DPYD: variants seen among roughly 807,000 people sequenced by gnomAD.
DPYD encodes dihydropyrimidine dehydrogenase [NADP(+)].
A neutral mutation model predicts 116.2 loss-of-function variants in DPYD; 109 were observed. The observed-to-expected ratio is 0.94, with a 90% CI of 0.80 to 1.10. The LOEUF (loss-of-function observed/expected upper bound fraction) is 1.10. Ranked by LOEUF, DPYD falls within the 50% of genes least tolerant of loss-of-function variation. The probability of loss-of-function intolerance (pLI) is 0.00; values close to 1 mark genes in which losing one functional copy is unlikely to be tolerated. For synonymous variants in DPYD, 440 were observed against 432.0 expected (o/e 1.02, Z -0.23); for missense variants, 1,302 against 1,254.5 (o/e 1.04, Z -0.57).
intron 2 of DPYD, among the ~76,000 whole-genome samples, chr1:97,839,383 G>T (rs1397497560): frequency 6.6e-6 from 1 of 152,000 alleles, no homozygotes; most frequent in Non-Finnish European, 1.5e-5. Flanking sequence ...CCTTTCTATA[G>T]TTTTCCATGC....
chr1:97,299,338 A>C (rs919738062), intron 18 of DPYD, among the ~76,000 whole-genome samples: 2 of 152,136 alleles, frequency 1.3e-5, no homozygotes, highest in African/African-American at 2.4e-5. Context: ...TGCAAAGGTA[A>C]GTTTTCTTAA....
At chr1:97,441,835 AT>A (rs1675813496) in intron 14 of DPYD, among the ~76,000 whole-genome samples, 1 of 152,160 alleles carries the variant, frequency 6.6e-6, no homozygotes, top group African/African-American at 2.4e-5. Context: ...GTTAAGTTAT[AT>A]GGAAACACGT....
intron 16 of DPYD, among the ~76,000 whole-genome samples, chr1:97,334,930 A>G (rs1442799672): frequency 2.0e-5 from 3 of 152,082 alleles, no homozygotes; most frequent in Non-Finnish European, 2.9e-5. Flanking sequence ...CCCGGTGCAT[A>G]TTGGGAAAAG....
intron 18 of DPYD, among the ~76,000 whole-genome samples, chr1:97,294,135 A>G (rs1666379941): frequency 6.6e-6 from 1 of 152,202 alleles, no homozygotes; most frequent in Non-Finnish European, 1.5e-5. Flanking sequence ...TCAGTCATCA[A>G]CCGAATGTGC....
At chr1:97,607,085 C>G (rs547173226) in intron 8 of DPYD, among the ~76,000 whole-genome samples, 2 of 151,806 alleles carry the variant, frequency 1.3e-5, no homozygotes, top group Non-Finnish European at 2.9e-5. Context: ...CTCCAGATTC[C>G]CTAGAGGTAT....
intron 12 of DPYD, among the ~76,000 whole-genome samples, chr1:97,536,149 A>G (rs1008412683): frequency 9.2e-5 from 14 of 152,202 alleles, no homozygotes; most frequent in African/African-American, 3.1e-4. Context: ...CCAGTTTCCC[A>G]ATGAGACTGA....
chr1:97,518,948 C>G (rs1281966936), intron 12 of DPYD, among the ~76,000 whole-genome samples: 2 of 152,006 alleles, frequency 1.3e-5, no homozygotes, highest in African/African-American at 4.8e-5. Context: ...TTTTGCTGTA[C>G]GTTTCTGTTT....
chr1:97,177,770 C>A (rs923382154), intron 20 of DPYD, among the ~76,000 whole-genome samples: 1 of 152,054 alleles, frequency 6.6e-6, no homozygotes, highest in African/African-American at 2.4e-5. Context: ...TAAAGTCAGG[C>A]TGTCTTAGTC....
At chr1:97,675,462 A>G (rs1415545633) in intron 8 of DPYD, among the ~76,000 whole-genome samples, 3 of 152,208 alleles carry the variant, frequency 2.0e-5, no homozygotes, top group Admixed American at 1.3e-4. Flanking sequence ...CTTTAGAAGT[A>G]ACAATGATGT....
At chr1:97,277,271 C>T (rs1046492930) in intron 18 of DPYD, among the ~76,000 whole-genome samples, 14 of 151,934 alleles carry the variant, frequency 9.2e-5, no homozygotes, top group Admixed American at 5.9e-4. Context: ...AGCTCACTAC[C>T]TGGGTGACAG....
intron 4 of DPYD, among the ~76,000 whole-genome samples, chr1:97,735,216 A>C (rs1663855197): frequency 6.6e-6 from 1 of 152,146 alleles, no homozygotes; most frequent in African/African-American, 2.4e-5. Flanking sequence ...ATAAGGCATC[A>C]ACACAAATGA....
chr1:97,410,232 T>A (rs919877719), intron 14 of DPYD, among the ~76,000 whole-genome samples: 11 of 152,178 alleles, frequency 7.2e-5, no homozygotes, highest in Admixed American at 7.2e-4. Flanking sequence ...AAAGTGAGAA[T>A]CTTTGTTTTG....
intron 16 of DPYD, among the ~76,000 whole-genome samples, chr1:97,325,111 T>C (rs565170236): frequency 1.3e-5 from 2 of 152,174 alleles, no homozygotes; most frequent in East Asian, 3.9e-4. Flanking sequence ...CTAAAACAGA[T>C]GGGTATTTAC....
chr1:97,492,695 G>A (rs751204185), intron 13 of DPYD, among the ~76,000 whole-genome samples: 1 of 152,044 alleles, frequency 6.6e-6, no homozygotes, highest in Non-Finnish European at 1.5e-5. Flanking sequence ...AAGCAGCAAT[G>A]ATCTGCTACT....
At chr1:97,289,785 T>G (rs1314475772) in intron 18 of DPYD, among the ~76,000 whole-genome samples, 38 of 151,618 alleles carry the variant, frequency 2.5e-4, no homozygotes, top group Non-Finnish European at 3.2e-4. Flanking sequence ...CACAAGACAG[T>G]GATGCCCTCT....
intron 14 of DPYD, among the ~76,000 whole-genome samples, chr1:97,415,838 A>G (rs955610991): frequency 1.3e-5 from 2 of 152,082 alleles, no homozygotes; most frequent in African/African-American, 2.4e-5. Flanking sequence ...GGCTTTTAGG[A>G]AGTAATATCA....
intron 13 of DPYD, among the ~76,000 whole-genome samples, chr1:97,465,120 G>A (rs1570777139): frequency 6.6e-6 from 1 of 152,150 alleles, no homozygotes; most frequent in Non-Finnish European, 1.5e-5. Context: ...AGATTTGACT[G>A]CCCTGCTGGA....
chr1:97,543,423 T>G (rs956302472), intron 12 of DPYD, among the ~76,000 whole-genome samples: 1 of 152,186 alleles, frequency 6.6e-6, no homozygotes, highest in Non-Finnish European at 1.5e-5. Flanking sequence ...TCTCCCAACA[T>G]GGATGTCTTC....
At chr1:97,293,742 G>A (rs1273641010) in intron 18 of DPYD, among the ~76,000 whole-genome samples, 6 of 152,114 alleles carry the variant, frequency 3.9e-5, no homozygotes, top group Non-Finnish European at 8.8e-5. Context: ...AGGAGTTTGA[G>A]ACCAGACTGG....
Sources: gnomAD v4.1 joint callset for allele counts (sites outside exome capture counted in the v4.1 genomes callset) on GRCh38, gnomAD v4.1.1 for gene constraint, MANE v1.5 for transcripts, NCBI Gene and HGNC (gene_info 2026-07-23, HGNC 2026-07-21) for gene names.